DNA2: variants seen among roughly 807,000 people sequenced by gnomAD.
DNA2 encodes the protein DNA replication ATP-dependent helicase/nuclease DNA2.
A neutral mutation model predicts 119.1 loss-of-function variants in DNA2; 101 were observed. The observed-to-expected ratio is 0.85, with a 90% CI of 0.72 to 1.00. DNA2 has a LOEUF of 1.00. DNA2 is among the 50% of genes least tolerant of loss of function. The pLI is 0.00. For synonymous variants in DNA2, 366 were observed against 424.4 expected (o/e 0.86, Z 1.69); for missense variants, 1,121 against 1,255.5 (o/e 0.89, Z 1.62).
At chr10:68,466,728 G>A (rs10823208) in intron 3 of DNA2, among the ~76,000 whole-genome samples, 26,976 of 151,596 alleles carry the variant, frequency 0.18, 2,912 homozygotes, top group African/African-American at 0.31. Context: ...ACAGGCGCCC[G>A]CCACCACACC....
intron 19 of DNA2, among the ~76,000 whole-genome samples, 183 bp from the exon 20 acceptor site, chr10:68,417,038 G>A (rs2051597981): frequency 6.6e-6 from 1 of 152,102 alleles, no homozygotes; most frequent in South Asian, 2.1e-4. Context: ...GAGACCAGAA[G>A]TTCAAGACCA....
intron 10 of DNA2, chr10:68,436,760 G>T: frequency 3.1e-6 from 1 of 321,934 alleles, no homozygotes. Context: ...GAGACAGAAA[G>T]CAGGTTAGTG....
rs2052231852 is a variant in DNA2, at chr10:68,459,857, T to C, written c.588-622A>G. 2.0e-5 allele frequency among the ~76,000 whole-genome samples: 3 copies of C among 151,920 alleles called. No homozygotes were observed. In the South Asian group the frequency reaches 6.2e-4, roughly 32 times the overall value. On this transcript the variant is annotated intron_variant, in intron 4 of 20. Transcript: ENST00000358410. Reference sequence around the variant, plus strand: ...GCCTGGCCAACATGGTGAAACGCTGTCTCTACTAAAAACACAAAAATTAGC... The same window carrying C: ...GCCTGGCCAACATGGTGAAACGCTGCCTCTACTAAAAACACAAAAATTAGC...
At chr10:68,442,790 T>A (rs1590061822) in intron 9 of DNA2, 127 bp downstream of exon 9, 2 of 775,914 alleles carry the variant, frequency 2.6e-6, no homozygotes, top group East Asian at 2.7e-5. Context: ...TCTGCAGTTG[T>A]CATGAATAAA....
Position 68,422,706 on chromosome 10 carries a change from C to T in DNA2, c.2393G>A (p.Arg798His), listed in dbSNP as rs529850423. 83 of 1,612,452 alleles carry T rather than the reference C, an allele frequency of 5.1e-5. No homozygotes were observed. The highest frequency in any genetic ancestry group is 1.7e-4 in the Middle Eastern group (1 of 6,052). Residue 798 changes from arginine (R) to histidine (H), a missense_variant, in exon 15 of 21, where the codon CGT (arginine) becomes CAT (histidine). Transcript: ENST00000358410. ...HQQLPPLVLN[R>H]EARALGMSES... is the part of the protein sequence containing the mutation. ...TTAAGTGTCTGCCTACCTTGCTTCACGGTTTAGCACCAGGGGAGGAAGCTG... is the reference window on the plus strand; with the variant it reads ...TTAAGTGTCTGCCTACCTTGCTTCATGGTTTAGCACCAGGGGAGGAAGCTG...
chr10:68,440,456 C>T (rs1001641554), intron 9 of DNA2, among the ~76,000 whole-genome samples: 2 of 151,868 alleles, frequency 1.3e-5, no homozygotes, highest in African/African-American at 4.8e-5. Context: ...TGCCACCATG[C>T]CCAGCTAATA....
Position 68,419,878 on chromosome 10 carries a change from T to C in DNA2, c.2712A>G (p.Glu904=), listed in dbSNP as rs1468162419. The stretch of plus-strand genomic sequence containing the variant: ...TGCTCACACCACCTTTTTCAACTTG[T>C]TCTGGCGCTGGAACCTAAGTGGAAA... ...FLNTDKVPAP[E]QVEKGGVSNV... Residue 904 remains glutamate (E), a synonymous_variant, in exon 18 of 21, where the codon GAA becomes GAG. Transcript: ENST00000358410. 1 of 1,613,934 alleles carries C rather than the reference T, an allele frequency of 6.2e-7. No individual in the cohort carries two copies. Among genetic ancestry groups the C allele is most frequent in the Non-Finnish European group, 8.5e-7 (1 of 1,179,840 alleles).
chr10:68,468,751 C>A (rs1470764554), intron 2 of DNA2, among the ~76,000 whole-genome samples: 1 of 152,052 alleles, frequency 6.6e-6, no homozygotes, highest in East Asian at 1.9e-4. Flanking sequence ...TAAAATCAAA[C>A]TGAACTAGTT....
chr10:68,424,239 C>T (rs60371570), intron 14 of DNA2, among the ~76,000 whole-genome samples: 7,475 of 152,284 alleles, frequency 0.049, 362 homozygotes, highest in East Asian at 0.25. Flanking sequence ...TACAGTGGCT[C>T]ACGCCTGTAA....
intron 4 of DNA2, among the ~76,000 whole-genome samples, chr10:68,463,241 G>A (rs1158437552): frequency 6.6e-6 from 1 of 151,840 alleles, no homozygotes; most frequent in South Asian, 2.1e-4. Flanking sequence ...TCAGGAGATC[G>A]GGACCATCCT....
upstream of DNA2, chr10:68,472,027 C>G (rs1235361253): frequency 6.2e-7 from 1 of 1,607,232 alleles, no homozygotes; most frequent in African/African-American, 1.3e-5. Flanking sequence ...CCTCCCGCGC[C>G]GGCGCGTTCC....
chr10:68,442,846 T>A (rs1226592100), intron 9 of DNA2, 71 bp downstream of exon 9: 2 of 1,311,038 alleles, frequency 1.5e-6, no homozygotes, highest in African/African-American at 1.5e-5. Flanking sequence ...GTATTTGTCA[T>A]AAATTCCAAA....
intron 19 of DNA2, among the ~76,000 whole-genome samples, 196 bp from the exon 20 acceptor site, chr10:68,417,051 C>G (rs1226666956): frequency 6.6e-6 from 1 of 152,000 alleles, no homozygotes; most frequent in Non-Finnish European, 1.5e-5. Context: ...CAAGACCAGC[C>G]CGTGCAACAC....
chr10:68,451,446 T>A (rs960164114), intron 5 of DNA2, among the ~76,000 whole-genome samples: 1 of 152,178 alleles, frequency 6.6e-6, no homozygotes, highest in African/African-American at 2.4e-5. Flanking sequence ...TCCTCTCTTA[T>A]CTAAGATTTA....
Position 68,415,009 on chromosome 10 carries a change from C to T in DNA2, c.*30G>A. Reference sequence around the variant, plus strand: ...GGCACTAGCTAGAGGAGATACTGCCCTAGTATGAAAAGGCAAGGGAAATAG... The same window carrying T: ...GGCACTAGCTAGAGGAGATACTGCCTTAGTATGAAAAGGCAAGGGAAATAG... On this transcript the variant is annotated 3_prime_UTR_variant, in exon 21 of 21. Coordinates refer to ENST00000358410, the MANE Select transcript of DNA2 (RefSeq NM_001080449.3). 6.8e-7 allele frequency: 1 copy of T among 1,463,360 alleles called. No individual in the cohort carries two copies. The highest frequency in any genetic ancestry group is 1.2e-5 in the South Asian group (1 of 82,234). 90.6% of individuals were successfully genotyped at this position (1,463,360 alleles called of 1,614,324 possible).
At chr10:68,420,690 G>C (rs2051652850) in intron 17 of DNA2, among the ~76,000 whole-genome samples, 1 of 143,890 alleles carries the variant, frequency 6.9e-6, no homozygotes, top group East Asian at 2.0e-4. Context: ...TCATCCCTAA[G>C]CAATCTTGAT....
intron 5 of DNA2, among the ~76,000 whole-genome samples, chr10:68,454,492 A>C (rs914546629): frequency 6.6e-6 from 1 of 152,110 alleles, no homozygotes; most frequent in African/African-American, 2.4e-5. Flanking sequence ...AACTACAAAA[A>C]TAGATATCTA....
chr10:68,458,546 A>T (rs2052215247), intron 5 of DNA2, among the ~76,000 whole-genome samples: 1 of 151,878 alleles, frequency 6.6e-6, no homozygotes. Context: ...AAAAGAAAAA[A>T]AAAAAAAAGA....
At chr10:68,417,285 AG>A (rs1336310674) in intron 19 of DNA2, among the ~76,000 whole-genome samples, 1 of 148,400 alleles carries the variant, frequency 6.7e-6, no homozygotes, top group East Asian at 2.1e-4. Flanking sequence ...TGAGTAGATG[AG>A]GGATGGAGTA....
Sources: allele counts gnomAD v4.1 joint callset (sites outside exome capture counted in the v4.1 genomes callset), GRCh38; gene constraint gnomAD v4.1.1; transcripts MANE v1.5; gene names NCBI Gene and HGNC (gene_info 2026-07-23, HGNC 2026-07-21).